The following ZNF512B variants were observed in gnomAD, a reference collection of about 807,000 sequenced individuals.
ZNF512B encodes zinc finger protein 512B.
ZNF512B carries 22 observed loss-of-function variants against 87.8 expected under a neutral mutation model. That is an observed-to-expected ratio of 0.25 (90% CI 0.18 to 0.36). ZNF512B has a LOEUF of 0.36. Among genes scored for constraint, ZNF512B ranks in the 10% least tolerant of loss-of-function variants. The pLI, the probability that ZNF512B is intolerant of heterozygous loss-of-function variation, is 1.00. For synonymous variants in ZNF512B, 524 were observed against 490.9 expected (o/e 1.07, Z -0.89); for missense variants, 1,060 against 1,231.6 (o/e 0.86, Z 2.09).
Position 63,962,799 on chromosome 20 carries a change from A to T in ZNF512B, c.1969-18T>A, listed in dbSNP as rs771190161. On this transcript the variant is annotated intron_variant, in intron 12 of 16. Transcript: ENST00000369888. ...TCAGGGGGCTGGAGGGCAGGAAGGCATGGAGGCTAGAGTGAGCCGCGGGAG... is the reference window on the plus strand; with the variant it reads ...TCAGGGGGCTGGAGGGCAGGAAGGCTTGGAGGCTAGAGTGAGCCGCGGGAG... 1 of 1,584,620 alleles carries T rather than the reference A, an allele frequency of 6.3e-7. No homozygotes were observed. Among genetic ancestry groups the T allele is most frequent in the East Asian group, 2.3e-5 (1 of 44,218 alleles).
chr20:63,962,365 T>C lies in ZNF512B; in HGVS notation c.2173A>G (p.Thr725Ala). 1.9e-6 allele frequency: 3 copies of C among 1,611,816 alleles called. No individual in the cohort carries two copies. Among genetic ancestry groups the C allele is most frequent in the Non-Finnish European group, 2.5e-6 (3 of 1,179,614 alleles). Residue 725 changes from threonine to alanine, a missense_variant, in exon 14 of 17, where the codon ACT becomes GCT. This residue lies in a region of ZNF512B where 253 missense variants were observed against 259.2 expected (regional missense o/e 0.98). Transcript: ENST00000369888. ...TTCAGCGTGGGGAGCCCTGGTCGAGTGTAGTTGAGCTGTGAATTCGACAGC... is the reference window on the plus strand; with the variant it reads ...TTCAGCGTGGGGAGCCCTGGTCGAGCGTAGTTGAGCTGTGAATTCGACAGC... ...LVPETARLNY[T>A]RPGLPTLNPQ...
chr20:63,962,026 G>T, intron 14 of ZNF512B, 22 bp from the exon 15 acceptor site: 1 of 1,550,594 alleles, frequency 6.4e-7, no homozygotes, highest in Non-Finnish European at 8.7e-7. Context: ...GGAGCCGTGG[G>T]CGAAGGCCTC....
intron 12 of ZNF512B, 128 bp downstream of exon 12, chr20:63,962,967 T>G: frequency 7.5e-7 from 1 of 1,336,024 alleles, no homozygotes; most frequent in Non-Finnish European, 1.0e-6. Flanking sequence ...CACACGTCTC[T>G]TACAGAGAGG....
intron 12 of ZNF512B, 131 bp downstream of exon 12, chr20:63,962,964 C>G (rs1030166054): frequency 1.5e-6 from 2 of 1,326,338 alleles, no homozygotes; most frequent in Non-Finnish European, 2.0e-6. Context: ...GGACACACGT[C>G]TCTTACAGAG....
Position 63,959,958 on chromosome 20 carries a change from C to A in ZNF512B, c.2609G>T (p.Gly870Val). The A allele has an allele frequency of 6.2e-7, 1 of 1,611,456 alleles. No individual in the cohort carries two copies. Among genetic ancestry groups the A allele is most frequent in the Non-Finnish European group, 8.5e-7 (1 of 1,179,860 alleles). The change falls in exon 17 of 17, where the codon GGA becomes GTA. Residue 870 changes from glycine to valine, a missense_variant. Transcript: ENST00000369888. The part of the protein sequence containing the change: ...LPPRRDDWPP[G>V]CRDKGARGST... Reference sequence around the variant, plus strand: ...GCCCCGGGCCCCCTTGTCTCTGCATCCTGGAGGCCAGTCGTCCCGGCGCGG... The same window carrying A: ...GCCCCGGGCCCCCTTGTCTCTGCATACTGGAGGCCAGTCGTCCCGGCGCGG...
Position 63,962,962 on chromosome 20 carries a change from G to A in ZNF512B, c.1968+133C>T, listed in dbSNP as rs114390581. Reference sequence around the variant, plus strand: ...CACCCTCCCGCCCACCAGGACACACGTCTCTTACAGAGAGGGGTGGGAAAC... The same window carrying A: ...CACCCTCCCGCCCACCAGGACACACATCTCTTACAGAGAGGGGTGGGAAAC... On this transcript the variant is annotated intron_variant, in intron 12 of 16. Transcript: ENST00000369888. 2,950 of 1,307,498 alleles carry A rather than the reference G, an allele frequency of 2.3e-3. 41 individuals are homozygous for A. The African/African-American group carries it at 0.034, about 15-fold the overall frequency. The allele number at this position is 1,307,498 out of a possible 1,614,324, so 81.0% of individuals were successfully genotyped here. A position where few individuals can be genotyped will look rare whatever the true frequency, so the allele number is the denominator to read the frequency against.
At chr20:63,968,528 AC>A (rs2122890560) in intron 1 of ZNF512B, among the ~76,000 whole-genome samples, 1 of 152,260 alleles carries the variant, frequency 6.6e-6, no homozygotes, top group South Asian at 2.1e-4. Flanking sequence ...CCAGGCAGGT[AC>A]CCTTGGAATC....
chr20:63,968,597 A>G (rs1328922521), intron 1 of ZNF512B, among the ~76,000 whole-genome samples: 2 of 152,180 alleles, frequency 1.3e-5, no homozygotes, highest in African/African-American at 4.8e-5. Flanking sequence ...CCCTGGCCCA[A>G]TCTGGCACTG....
At position 63,961,528 on chromosome 20, in the gene ZNF512B, G is replaced by A. The variant is rs966812729; in HGVS notation, c.2329-121C>T. 4 of 927,826 alleles carry A rather than the reference G, an allele frequency of 4.3e-6. No homozygotes were observed. In the African/African-American group the frequency reaches 6.5e-5, roughly 15 times the overall value. 57.5% of individuals were successfully genotyped at this position (927,826 alleles called of 1,614,324 possible). A position where few individuals can be genotyped will look rare whatever the true frequency, so the allele number is the denominator to read the frequency against. On this transcript the variant is annotated intron_variant, in intron 15 of 16. Transcript: ENST00000369888. This position sits in a 1 kb window ranked among gnomAD's most constrained non-coding sequence, Gnocchi z 6.4. ...CCCAAGGAAAGCTGTGGCTGTCTGT[G>A]CCAGACAATGCAGGGGGCCACTGAG...
chr20:63,969,267 G>A (rs2058956677), intron 1 of ZNF512B: 1 of 854,314 alleles, frequency 1.2e-6, no homozygotes, highest in Admixed American at 6.2e-5. Flanking sequence ...AGAATAGTGG[G>A]GCCTGAGGCC....
intron 12 of ZNF512B, 56 bp downstream of exon 12, chr20:63,963,039 G>A: frequency 6.8e-7 from 1 of 1,481,420 alleles, no homozygotes; most frequent in Admixed American, 2.2e-5. Flanking sequence ...AAGGCACACG[G>A]AACACACACG....
Position 63,961,045 on chromosome 20 carries a change from C to G in ZNF512B, c.2427+264G>C, listed in dbSNP as rs990932497. Among the ~76,000 whole-genome samples, 3 of 152,206 alleles carry G rather than the reference C, an allele frequency of 2.0e-5. No homozygotes were observed. Among genetic ancestry groups the G allele is most frequent in the African/African-American group, 7.2e-5 (3 of 41,458 alleles). ...GCTGGACACAGCCTTCGGGACCAGG[C>G]AAGCACCTGCAGCAGGGCTGCTGGG... On this transcript the variant is annotated intron_variant, in intron 16 of 16. Coordinates refer to ENST00000369888, the MANE Select transcript of ZNF512B (RefSeq NM_020713.3). The surrounding 1 kb of genome is among the most constrained non-coding windows in gnomAD (Gnocchi z 6.4).
chr20:63,963,591 G>A (rs756774906), intron 10 of ZNF512B, 27 bp downstream of exon 10: 1 of 1,612,310 alleles, frequency 6.2e-7, no homozygotes, highest in East Asian at 2.2e-5. Flanking sequence ...AGGTCACGCT[G>A]GACGGGAGCT....
rs372459239 is a variant in ZNF512B at position 63,962,249 on chromosome 20, C to T, written c.2265+24G>A. 43 of 1,591,414 alleles carry T rather than the reference C, an allele frequency of 2.7e-5. No homozygotes were observed. In the African/African-American group the frequency reaches 3.9e-4, roughly 14 times the overall value. On this transcript the variant is annotated intron_variant, in intron 14 of 16. Coordinates refer to ENST00000369888, the MANE Select transcript of ZNF512B (RefSeq NM_020713.3). ...CTGGCCCTGTATGGCTCCCCACGCC[C>T]CCCACCCGGCTGCCTCCGCTCACGT...
rs1200192044 is a variant in ZNF512B, at chr20:63,961,398, G to C, written c.2338C>G (p.Leu780Val). Residue 780 changes from leucine to valine, a missense_variant, in exon 16 of 17, where the codon CTG becomes GTG. This residue lies in a region of ZNF512B where 253 missense variants were observed against 259.2 expected (regional missense o/e 0.98). Transcript: ENST00000369888. The surrounding 1 kb of genome is among the most constrained non-coding windows in gnomAD (Gnocchi z 6.4). ...HLASCSKGAH[L>V]AGKYRCLLCP... ...AGCAGACAGCGGTACTTCCCTGCCAGGTGGGCCCCCTGCAATGCATAGGCA... is the reference window on the plus strand; with the variant it reads ...AGCAGACAGCGGTACTTCCCTGCCACGTGGGCCCCCTGCAATGCATAGGCA... 2 of 1,611,796 alleles carry C rather than the reference G, an allele frequency of 1.2e-6. No homozygotes were observed. Among genetic ancestry groups the C allele is most frequent in the Non-Finnish European group, 1.7e-6 (2 of 1,179,952 alleles).
chr20:63,962,512 T>C (rs1039362449), intron 13 of ZNF512B, 75 bp downstream of exon 13: 2 of 1,557,254 alleles, frequency 1.3e-6, no homozygotes, highest in Admixed American at 1.9e-5. Flanking sequence ...GCAGTGGCTG[T>C]CCCAAGTCTC....
intron 5 of ZNF512B, among the ~76,000 whole-genome samples, chr20:63,965,838 T>C (rs879072575): frequency 9.1e-5 from 2 of 21,874 alleles, no homozygotes; most frequent in Non-Finnish European, 9.5e-5. Flanking sequence ...TACCTTTTCT[T>C]ACCACTGTTC....
chr20:63,964,124 G>A lies in ZNF512B; in HGVS notation c.1427C>T (p.Ala476Val), dbSNP rs1322358394. The A allele has an allele frequency of 1.2e-6, 2 of 1,607,816 alleles. No individual in the cohort carries two copies. The highest frequency in any genetic ancestry group is 1.7e-6 in the Non-Finnish European group (2 of 1,178,040). The change falls in exon 8 of 17, where the codon GCC becomes GTC. Residue 476 changes from alanine (A) to valine (V), a missense_variant. Transcript: ENST00000369888. ...PEDARKKVPA[A>V]PITVSKEAPA... Reference sequence around the variant, plus strand: ...TGCCTCCTTGCTGACAGTGATGGGGGCAGCTGGCACCTTCTTCCGGGCGTC... The same window carrying A: ...TGCCTCCTTGCTGACAGTGATGGGGACAGCTGGCACCTTCTTCCGGGCGTC...
At position 63,967,479 on chromosome 20, in the gene ZNF512B, G is replaced by A. The variant is rs887430514; in HGVS notation, c.166C>T (p.Pro56Ser). The change falls in exon 3 of 17, where the codon CCT becomes TCT. Residue 56 changes from proline to serine, a missense_variant. By Grantham distance (74) the Pro-to-Ser change is moderately conservative. Around this residue, in one of 9 missense-constraint regions of ZNF512B, gnomAD observed 134 missense variants for 153.6 expected, o/e 0.87. Transcript: ENST00000369888. ...RGGQTVPGQA[P>S]LCFDPGSPAS... The stretch of plus-strand genomic sequence containing the variant: ...GGACTTCCCGGGTCAAAGCAGAGAG[G>A]GGCCTGGCCGGGCACTGTCTGTCCA... The A allele has an allele frequency of 6.2e-7, 1 of 1,612,138 alleles. No individual in the cohort carries two copies. Among genetic ancestry groups the A allele is most frequent in the African/African-American group, 1.3e-5 (1 of 74,990 alleles).
Sources: gnomAD v4.1 joint callset for allele counts (sites outside exome capture counted in the v4.1 genomes callset) on GRCh38, gnomAD v4.1.1 for gene constraint, gnomAD v4.1.1 regional missense constraint, Gnocchi (gnomAD v3.1) non-coding constraint, MANE v1.5 for transcripts, NCBI Gene and HGNC (gene_info 2026-07-23, HGNC 2026-07-21) for gene names.